The following DCT variants were observed in gnomAD, a reference collection of about 807,000 sequenced individuals.
The protein encoded by DCT is L-dopachrome tautomerase.
Under a neutral mutation model 53.0 loss-of-function variants are expected in DCT, and 47 were observed. That is an observed-to-expected ratio of 0.89 (90% CI 0.70 to 1.13). DCT has a LOEUF of 1.13. DCT is among the 50% of genes most tolerant of loss of function. The pLI, the probability that DCT is intolerant of heterozygous loss-of-function variation, is 0.00. For missense variants in DCT, 669 were observed against 637.4 expected (o/e 1.05, Z -0.53); for synonymous variants, 244 against 237.0 (o/e 1.03, Z -0.27).
chr13:94,490,230 C>T, the DCT span, among the ~76,000 whole-genome samples: 9 of 152,184 alleles, frequency 5.9e-5, no homozygotes, highest in Non-Finnish European at 7.4e-5. Context: ...CAAAGCTGGG[C>T]GCAGTGGCTC....
At chr13:94,488,721 TATACACACAC>T in the DCT span, among the ~76,000 whole-genome samples, 61 of 74,652 alleles carry the variant, frequency 8.2e-4, no homozygotes, top group African/African-American at 3.2e-3. Context: ...TTGTCTAATA[TATACACACAC>T]ACACACACAC....
chr13:94,475,978 G>GA (rs1377433043), intron 1 of DCT, among the ~76,000 whole-genome samples: 1 of 152,162 alleles, frequency 6.6e-6, no homozygotes, highest in Non-Finnish European at 1.5e-5. Context: ...GCAGATCACG[G>GA]GGGGAGGTGA....
the DCT span, among the ~76,000 whole-genome samples, chr13:94,487,070 G>A: frequency 1.3e-5 from 2 of 152,176 alleles, no homozygotes; most frequent in South Asian, 4.1e-4. Context: ...CAAATCATAA[G>A]CATGACTGTA....
intron 6 of DCT, among the ~76,000 whole-genome samples, chr13:94,453,879 A>G (rs943038262): frequency 6.6e-6 from 1 of 152,226 alleles, no homozygotes; most frequent in Admixed American, 6.5e-5. Context: ...ACTCAGTCTC[A>G]GATACATCTT....
the DCT span, among the ~76,000 whole-genome samples, chr13:94,503,114 T>C: frequency 6.6e-6 from 1 of 152,276 alleles, no homozygotes; most frequent in East Asian, 1.9e-4. Context: ...CGGTGGCTCA[T>C]GCCTATAATC....
chr13:94,481,872 T>C (rs1257040385), upstream of DCT, among the ~76,000 whole-genome samples: 2 of 152,210 alleles, frequency 1.3e-5, no homozygotes, highest in African/African-American at 4.8e-5. Context: ...CAAGTGATCT[T>C]TGAGTCTTCT....
the DCT span, among the ~76,000 whole-genome samples, chr13:94,527,073 C>T: frequency 3.9e-5 from 6 of 152,234 alleles, no homozygotes; most frequent in East Asian, 1.9e-4. Context: ...TGGGGAGGGG[C>T]GTCTGCCATC....
At chr13:94,441,080 T>C (rs562281164) in intron 7 of DCT, among the ~76,000 whole-genome samples, 1 of 152,330 alleles carries the variant, frequency 6.6e-6, no homozygotes, top group African/African-American at 2.4e-5. Flanking sequence ...CTGAATTTGT[T>C]CTATACCTTA....
At chr13:94,464,360 C>T (rs915203872) in intron 4 of DCT, among the ~76,000 whole-genome samples, 2 of 152,150 alleles carry the variant, frequency 1.3e-5, no homozygotes, top group Non-Finnish European at 2.9e-5. Flanking sequence ...GATTTTGAGG[C>T]CGGGTGAGGT....
At position 94,460,176 on chromosome 13, in the gene DCT, A is replaced by G. The variant is rs762820660; in HGVS notation, c.1094T>C (p.Val365Ala). ...ATGAACCAAATTATGAAGGCTCATC[A>G]CTTGAGAATCCAGAGTCCCATCTGC... Reference protein sequence around the residue: ...DKADGTLDSQVMSLHNLVHSF... With the variant: ...DKADGTLDSQAMSLHNLVHSF... The change falls in exon 6 of 8, where the codon GTG becomes GCG. Residue 365 changes from valine (V) to alanine (A), a missense_variant. By Grantham distance (64) the Val-to-Ala change is moderately conservative (BLOSUM62 0). Transcript: ENST00000377028. The G allele has an allele frequency of 1.9e-6, 3 of 1,613,978 alleles. No individual in the cohort carries two copies. In the South Asian group the frequency reaches 3.3e-5, roughly 18 times the overall value.
the DCT span, among the ~76,000 whole-genome samples, chr13:94,503,753 C>T: frequency 0.015 from 2,234 of 152,258 alleles, 62 homozygotes; most frequent in African/African-American, 0.051. Flanking sequence ...GCCTCCACAA[C>T]GGTGAGAGAA....
chr13:94,482,177 A>G (rs1250866932), upstream of DCT, among the ~76,000 whole-genome samples: 1 of 152,234 alleles, frequency 6.6e-6, no homozygotes, highest in East Asian at 1.9e-4. Context: ...GCTGAATGCA[A>G]TGAGTCATGT....
intron 1 of DCT, among the ~76,000 whole-genome samples, chr13:94,475,366 C>A (rs1885000983): frequency 6.6e-6 from 1 of 152,164 alleles, no homozygotes; most frequent in Admixed American, 6.5e-5. Flanking sequence ...GAAAAAAATT[C>A]TACCATTTGC....
At chr13:94,509,625 T>C in the DCT span, among the ~76,000 whole-genome samples, 1 of 152,182 alleles carries the variant, frequency 6.6e-6, no homozygotes, top group Admixed American at 6.5e-5. Context: ...AGGAGTGTTA[T>C]CTCAGCATAA....
Position 94,479,035 on chromosome 13 carries a change from G to C in DCT, c.221C>G (p.Pro74Arg), listed in dbSNP as rs1453679323. 7 of 1,614,180 alleles carry C rather than the reference G, an allele frequency of 4.3e-6. No homozygotes were observed. Among genetic ancestry groups the C allele is most frequent in the Non-Finnish European group, 5.9e-6 (7 of 1,180,012 alleles). ...VRADTRPWSG[P>R]YILRNQDDRE... ...GTCATCCTGGTTTCGTAGGATGTAG[G>C]GACCACTCCAGGGCCTTGTGTCGGC... The change falls in exon 1 of 8, where the codon CCC becomes CGC. Residue 74 changes from proline (P) to arginine (R), a missense_variant. Transcript: ENST00000377028.
At chr13:94,499,596 A>T in the DCT span, among the ~76,000 whole-genome samples, 1 of 152,292 alleles carries the variant, frequency 6.6e-6, no homozygotes, top group South Asian at 2.1e-4. Flanking sequence ...CCTAATTTTA[A>T]ACATACAAAA....
chr13:94,461,991 C>T lies in DCT; in HGVS notation c.1043+19G>A, dbSNP rs761519974. ...ACCTGTACTGTACAGGCAGGTCCAGCAGAGCTCAGAGCACCCACCTGAAAC... is the reference window on the plus strand; with the variant it reads ...ACCTGTACTGTACAGGCAGGTCCAGTAGAGCTCAGAGCACCCACCTGAAAC... On this transcript the variant is annotated intron_variant, in intron 5 of 7. Coordinates refer to ENST00000377028, the MANE Select transcript of DCT (RefSeq NM_001922.5). 1.9e-6 allele frequency: 3 copies of T among 1,608,890 alleles called. No individual in the cohort carries two copies. The highest frequency in any genetic ancestry group is 2.2e-5 in the South Asian group (2 of 90,708).
chr13:94,443,087 A>G (rs1052456073), intron 7 of DCT, among the ~76,000 whole-genome samples: 3 of 152,142 alleles, frequency 2.0e-5, no homozygotes, highest in African/African-American at 7.2e-5. Flanking sequence ...TTTTTATTTC[A>G]TTGGTTAGAA....
rs1303905899 is a variant in DCT at position 94,439,978 on chromosome 13, G to T, written c.1480C>A (p.Gln494Lys). The T allele has an allele frequency of 6.2e-7, 1 of 1,613,782 alleles. No individual in the cohort carries two copies. Residue 494 changes from glutamine to lysine, a missense_variant, in exon 8 of 8, where the codon CAA becomes AAA. By Grantham distance (53) the Gln-to-Lys change is moderately conservative. Coordinates refer to ENST00000377028, the MANE Select transcript of DCT (RefSeq NM_001922.5). ...TATCCTTTTCGAAGTCTTCTATATT[G>T]AAGAAAAGCCAACAGCACAAAAAGA... ...VGLFVLLAFL[Q>K]YRRLRKGYTP...
Sources: gnomAD v4.1 joint callset for allele counts (sites outside exome capture counted in the v4.1 genomes callset) on GRCh38, gnomAD v4.1.1 for gene constraint, MANE v1.5 for transcripts, NCBI Gene and HGNC (gene_info 2026-07-23, HGNC 2026-07-21) for gene names.